Variants in RTN4RL1 observed in about 807,000 individuals in gnomAD.
RTN4RL1 encodes the protein reticulon 4 receptor like 1, also known as reticulon-4 receptor-like 1.
In RTN4RL1, 7 loss-of-function variants were observed where a neutral mutation model predicts 25.6. The ratio of observed to expected loss-of-function variants is 0.27; its 90% CI spans 0.16 to 0.51. RTN4RL1 has a LOEUF of 0.51. Among genes scored for constraint, RTN4RL1 ranks in the 20% least tolerant of loss-of-function variants. The probability of loss-of-function intolerance (pLI) is 0.97; values close to 1 mark genes in which losing one functional copy is unlikely to be tolerated. For synonymous variants in RTN4RL1, 297 were observed against 288.2 expected (o/e 1.03, Z -0.31); for missense variants, 500 against 615.6 (o/e 0.81, Z 1.99).
rs1489991026 is a variant in RTN4RL1 at position 1,998,420 on chromosome 17, C to T, written c.13+26433G>A. 6.6e-6 allele frequency among the ~76,000 whole-genome samples: 1 copy of T among 151,956 alleles called. No homozygotes were observed. Among genetic ancestry groups the T allele is most frequent in the Non-Finnish European group, 1.5e-5 (1 of 67,948 alleles). On this transcript the variant is annotated intron_variant, in intron 1 of 1. Transcript: ENST00000331238. The surrounding 1 kb of genome is among the most constrained non-coding windows in gnomAD (Gnocchi z 4.9). Reference sequence around the variant, plus strand: ...GGGGAGCCGCGGCCGCGCTGGGATCCGTTCCCTCTCGCGGGAGCCGCCGGC... The same window carrying T: ...GGGGAGCCGCGGCCGCGCTGGGATCTGTTCCCTCTCGCGGGAGCCGCCGGC...
intron 1 of RTN4RL1, among the ~76,000 whole-genome samples, chr17:2,015,354 C>A (rs578255945): frequency 9.9e-5 from 15 of 152,182 alleles, no homozygotes; most frequent in Admixed American, 2.6e-4. Context: ...CACTGGGGGT[C>A]GGTGGGCAGG....
Position 1,986,949 on chromosome 17 carries a change from G to A in RTN4RL1, c.13+37904C>T, listed in dbSNP as rs73976161. ...GCGACCTTGAGGACATCTCTAAGCC[G>A]CAGCTTCCTTATCTGCAAAATGAGG... On this transcript the variant is annotated intron_variant, in intron 1 of 1. Transcript: ENST00000331238. Among the ~76,000 whole-genome samples, 1,372 of 151,686 alleles carry A rather than the reference G, an allele frequency of 9.0e-3. 19 individuals carry two copies. Among genetic ancestry groups the A allele is most frequent in the African/African-American group, 0.03 (1,251 of 41,478 alleles).
chr17:1,950,394 C>G (rs940933678), intron 1 of RTN4RL1, among the ~76,000 whole-genome samples: 2 of 152,128 alleles, frequency 1.3e-5, no homozygotes, highest in Non-Finnish European at 2.9e-5. Flanking sequence ...AGGAATAAAA[C>G]AGGAAAACCG....
At chr17:1,979,401 C>T (rs1405721551) in intron 1 of RTN4RL1, among the ~76,000 whole-genome samples, 1 of 150,494 alleles carries the variant, frequency 6.6e-6, no homozygotes, top group Non-Finnish European at 1.5e-5. Flanking sequence ...TGTTTGAGTT[C>T]AGGAGGTCAA....
intron 1 of RTN4RL1, 70 bp downstream of exon 1, chr17:2,024,783 G>A: frequency 6.7e-7 from 1 of 1,490,716 alleles, no homozygotes; most frequent in East Asian, 2.5e-5. Context: ...CCGGCGCCGG[G>A]CGGCGCCCGG....
intron 1 of RTN4RL1, among the ~76,000 whole-genome samples, chr17:2,015,809 A>G (rs1481484790): frequency 2.0e-5 from 3 of 152,146 alleles, no homozygotes; most frequent in Non-Finnish European, 4.4e-5. Context: ...GAGGGGATGC[A>G]ACACCCCATC....
intron 1 of RTN4RL1, among the ~76,000 whole-genome samples, chr17:2,008,137 T>C (rs1346977665): frequency 6.7e-6 from 1 of 149,156 alleles, no homozygotes; most frequent in South Asian, 2.1e-4. Context: ...GCTGTGGTGG[T>C]GCATGCCTGT....
At chr17:1,946,751 T>TGC (rs1915554352) in intron 1 of RTN4RL1, among the ~76,000 whole-genome samples, 2 of 144,264 alleles carry the variant, frequency 1.4e-5, no homozygotes, top group African/African-American at 5.2e-5. Context: ...ACGGGGTCTG[T>TGC]GTGGATCTAT....
intron 1 of RTN4RL1, among the ~76,000 whole-genome samples, chr17:1,950,999 C>A (rs1211650103): frequency 6.6e-6 from 1 of 151,966 alleles, no homozygotes; most frequent in Non-Finnish European, 1.5e-5. Context: ...GGCGCGGTGG[C>A]TCACGCCTGT....
intron 1 of RTN4RL1, among the ~76,000 whole-genome samples, chr17:1,976,965 G>A (rs1325304157): frequency 6.6e-6 from 1 of 152,190 alleles, no homozygotes; most frequent in African/African-American, 2.4e-5. Flanking sequence ...GCTAGTGCCT[G>A]GCTCGGAGTA....
chr17:2,005,687 G>A (rs1350213544), intron 1 of RTN4RL1, among the ~76,000 whole-genome samples: 1 of 151,648 alleles, frequency 6.6e-6, no homozygotes, highest in Non-Finnish European at 1.5e-5. Flanking sequence ...AGCTGGGATT[G>A]CACTGTTGCA....
intron 1 of RTN4RL1, among the ~76,000 whole-genome samples, chr17:2,008,866 G>T (rs1469384130): frequency 6.6e-6 from 1 of 152,078 alleles, no homozygotes; most frequent in African/African-American, 2.4e-5. Flanking sequence ...TGGCTTGAAA[G>T]TGCCTTCCTT....
intron 1 of RTN4RL1, among the ~76,000 whole-genome samples, chr17:2,016,065 T>C (rs1048403918): frequency 6.6e-6 from 1 of 152,130 alleles, no homozygotes. Flanking sequence ...TAGGTACCAT[T>C]TGAAGAAACT....
chr17:1,965,260 C>A (rs531710617), intron 1 of RTN4RL1, among the ~76,000 whole-genome samples: 33 of 151,732 alleles, frequency 2.2e-4, no homozygotes, highest in African/African-American at 8.0e-4. Context: ...CAGGCGCGCG[C>A]CCCCCATGCC....
Position 1,937,711 on chromosome 17 carries a change from C to A in RTN4RL1, c.111G>T (p.Thr37=), listed in dbSNP as rs781616813. The A allele has an allele frequency of 1.5e-5, 24 of 1,612,426 alleles. No individual in the cohort carries two copies. In the Admixed American group the frequency reaches 1.5e-4, roughly 10 times the overall value. Residue 37 remains threonine, a synonymous_variant, in exon 2 of 2, where the codon ACG becomes ACT. Coordinates refer to ENST00000331238, the MANE Select transcript of RTN4RL1 (RefSeq NM_178568.4). ...RDCVCYPAPM[T]VSCQAHNFAA... is the part of the protein sequence containing the mutation. The stretch of plus-strand genomic sequence containing the variant: ...CAAAGTTGTGCGCCTGGCAGCTGAC[C>A]GTCATGGGCGCCGGGTAGCACACAC...
intron 1 of RTN4RL1, among the ~76,000 whole-genome samples, chr17:1,964,790 T>TTC (rs907734048): frequency 8.6e-5 from 8 of 93,222 alleles, no homozygotes; most frequent in Non-Finnish European, 1.5e-4. Flanking sequence ...TTTCTTTTCT[T>TTC]TTTTTTTTTT....
chr17:2,025,160 G>A lies in RTN4RL1; in HGVS notation c.-295C>T. On this transcript the variant is annotated 5_prime_UTR_variant, in exon 1 of 2. Transcript: ENST00000331238. The surrounding 1 kb of genome is among the most constrained non-coding windows in gnomAD (Gnocchi z 4.8). ...AGCCGGCGGCCTGCTTCTGCCACCC[G>A]GAGCACTTCGCAGGCGGTTTTGAGG... is the stretch of plus-strand genomic sequence containing the variant. 3.5e-6 allele frequency: 1 copy of A among 289,014 alleles called. No homozygotes were observed. The highest frequency in any genetic ancestry group is 6.4e-6 in the Non-Finnish European group (1 of 156,056). The allele number at this position is 289,014 out of a possible 1,614,324, so 17.9% of individuals were successfully genotyped here. A position where few individuals can be genotyped will look rare whatever the true frequency, so the allele number is the denominator to read the frequency against.
At chr17:1,953,303 G>C (rs1915722512) in intron 1 of RTN4RL1, among the ~76,000 whole-genome samples, 1 of 151,902 alleles carries the variant, frequency 6.6e-6, no homozygotes, top group Non-Finnish European at 1.5e-5. Flanking sequence ...CTACTCAGGA[G>C]GCTGAGGCGG....
intron 1 of RTN4RL1, among the ~76,000 whole-genome samples, chr17:1,942,429 T>C (rs1339427516): frequency 6.6e-6 from 1 of 151,842 alleles, no homozygotes; most frequent in Non-Finnish European, 1.5e-5. Flanking sequence ...AGATGGGGGC[T>C]CCCAAGAGCA....
Sources: allele counts gnomAD v4.1 joint callset (sites outside exome capture counted in the v4.1 genomes callset), GRCh38; gene constraint gnomAD v4.1.1; non-coding constraint Gnocchi (gnomAD v3.1); transcripts MANE v1.5; gene names NCBI Gene and HGNC (gene_info 2026-07-23, HGNC 2026-07-21).